The following STN1 variants were observed in gnomAD, a reference collection of about 807,000 sequenced individuals.
The protein encoded by STN1 is STN1 subunit of CST complex.
Under a neutral mutation model 45.5 loss-of-function variants are expected in STN1, and 29 were observed. The observed-to-expected ratio is 0.64, with a 90% confidence interval of 0.47 to 0.87. The LOEUF is 0.87. Among genes scored for constraint, STN1 ranks in the 40% least tolerant of loss-of-function variants. STN1 has a pLI of 0.00. For missense variants in STN1, 376 were observed against 441.4 expected (o/e 0.85, Z 1.33); for synonymous variants, 148 against 159.0 (o/e 0.93, Z 0.52).
intron 3 of STN1, among the ~76,000 whole-genome samples, chr10:103,906,305 C>G (rs995786020): frequency 3.3e-5 from 5 of 151,968 alleles, no homozygotes; most frequent in African/African-American, 1.2e-4. Context: ...GTCTAACCAC[C>G]TAAAAACTAA....
chr10:103,889,094 C>T lies in STN1; in HGVS notation c.927G>A (p.Gln309=), dbSNP rs758625435. ...DLHRKIHRII[Q]QDCQKPNHME... is the part of the protein sequence containing the mutation. ...TACGATTTGGTTTCTGGCAGTCCTG[C>T]TGAATGATCCGGTGGATCTTTCTGT... The change falls in exon 9 of 10, where the codon CAG becomes CAA. Residue 309 remains glutamine, a synonymous_variant. Transcript: ENST00000224950. 5 of 1,613,602 alleles carry T rather than the reference C, an allele frequency of 3.1e-6. 1 individual carries two copies. In the South Asian group the frequency reaches 5.5e-5, roughly 18 times the overall value.
chr10:103,917,848 G>T (rs182433867), intron 1 of STN1, among the ~76,000 whole-genome samples, 192 bp from the exon 2 acceptor site: 2 of 152,188 alleles, frequency 1.3e-5, no homozygotes, highest in South Asian at 4.1e-4. Context: ...CGTTCCTTAC[G>T]GCTCTCCCGC....
rs532775972 is a variant in STN1 at position 103,906,107 on chromosome 10, C to G, written c.230-951G>C. ...GCCTAAATCTATGCTGAAGAAAAAG[C>G]CAAAAAGAGTACTTCCTATACTAAA... On this transcript the variant is annotated intron_variant, in intron 3 of 9. Transcript: ENST00000224950. Among the ~76,000 whole-genome samples, 3 of 152,028 alleles carry G rather than the reference C, an allele frequency of 2.0e-5. No individual in the cohort carries two copies. In the East Asian group the frequency reaches 5.8e-4, roughly 29 times the overall value.
At chr10:103,913,149 T>C (rs1040001460) in intron 2 of STN1, among the ~76,000 whole-genome samples, 3 of 152,240 alleles carry the variant, frequency 2.0e-5, no homozygotes, top group African/African-American at 7.2e-5. Context: ...AAAGGTATTC[T>C]TCCTGGGTTG....
intron 4 of STN1, among the ~76,000 whole-genome samples, chr10:103,902,615 C>A (rs768210736): frequency 4.6e-5 from 7 of 152,208 alleles, no homozygotes; most frequent in Non-Finnish European, 1.0e-4. Flanking sequence ...CTTAACTTTG[C>A]TCATAAGCTA....
chr10:103,907,891 G>T (rs1442650845), intron 3 of STN1, among the ~76,000 whole-genome samples: 1 of 151,956 alleles, frequency 6.6e-6, no homozygotes, highest in East Asian at 1.9e-4. Flanking sequence ...CACTTTGGGA[G>T]GCCGAGGTGG....
Position 103,892,193 on chromosome 10 carries a change from T to A in STN1, c.813A>T (p.Ile271=). 6.2e-7 allele frequency: 1 copy of A among 1,611,870 alleles called. No homozygotes were observed. ...CAAGTCCTTTTTCCTGCAGCAGTTG[T>A]ATAGCATTCTTAAATATACTATGAA... is the stretch of plus-strand genomic sequence containing the variant. The part of the protein sequence containing the change: ...KAIHSIFKNA[I]QLLQEKGLVF... Residue 271 remains isoleucine (I), a synonymous_variant, in exon 8 of 10, where the codon ATA becomes ATT. Transcript: ENST00000224950.
At chr10:103,893,648 T>G in intron 7 of STN1, among the ~76,000 whole-genome samples, 1 of 152,180 alleles carries the variant, frequency 6.6e-6, no homozygotes, top group East Asian at 1.9e-4. Flanking sequence ...TGGCTGAGAT[T>G]TGCTAATGAC....
At chr10:103,914,805 T>C (rs1843318655) in intron 2 of STN1, among the ~76,000 whole-genome samples, 1 of 152,236 alleles carries the variant, frequency 6.6e-6, no homozygotes, top group African/African-American at 2.4e-5. Context: ...GCAATCATTT[T>C]GCAATGCAAT....
intron 8 of STN1, among the ~76,000 whole-genome samples, 153 bp downstream of exon 8, chr10:103,891,977 G>C (rs1003632710): frequency 2.6e-5 from 4 of 152,196 alleles, no homozygotes; most frequent in Non-Finnish European, 5.9e-5. Context: ...TATTAAAAGA[G>C]ATACCTCGGG....
At chr10:103,893,313 C>T (rs1012210565) in intron 7 of STN1, among the ~76,000 whole-genome samples, 1 of 151,990 alleles carries the variant, frequency 6.6e-6, no homozygotes, top group Non-Finnish European at 1.5e-5. Context: ...GGACTACAGG[C>T]GCCTGCCACC....
intron 7 of STN1, among the ~76,000 whole-genome samples, 178 bp downstream of exon 7, chr10:103,897,370 T>A (rs1018785560): frequency 2.6e-5 from 4 of 152,050 alleles, no homozygotes; most frequent in African/African-American, 9.7e-5. Context: ...TATGCCTCAT[T>A]TCAAGTTCTT....
chr10:103,904,804 T>C (rs990154550), intron 4 of STN1, among the ~76,000 whole-genome samples: 24 of 152,194 alleles, frequency 1.6e-4, no homozygotes, highest in African/African-American at 5.5e-4. Flanking sequence ...TATGTAATAA[T>C]GGGCATGGTA....
At position 103,894,282 on chromosome 10, in the gene STN1, G is replaced by C. The variant is rs529912383; in HGVS notation, c.754-2030C>G. 5.9e-5 allele frequency among the ~76,000 whole-genome samples: 9 copies of C among 152,192 alleles called. No homozygotes were observed. The South Asian group carries it at 1.9e-3, about 32-fold the overall frequency. ...TAAATTGGAAACTAACTAGAGATGA[G>C]TATTACATGATTATTCCTGTCTTTA... On this transcript the variant is annotated intron_variant, in intron 7 of 9. Transcript: ENST00000224950.
chr10:103,889,695 C>CTTTTTTTTTTTTTT (rs58738841), intron 8 of STN1, among the ~76,000 whole-genome samples: 1 of 122,098 alleles, frequency 8.2e-6, no homozygotes, highest in African/African-American at 3.4e-5. Context: ...TTTCTTTTTC[C>CTTTTTTTTTTTTTT]TTTTTTTTTT....
At chr10:103,914,362 A>T (rs1330002949) in intron 2 of STN1, among the ~76,000 whole-genome samples, 1,197 of 12,368 alleles carry the variant, frequency 0.097, 70 homozygotes, top group South Asian at 0.18. Context: ...ATATATATAT[A>T]TATATATATA....
rs1040817130 is a variant in STN1, at chr10:103,899,949, T to C, written c.457+113A>G. 13 of 824,788 alleles carry C rather than the reference T, an allele frequency of 1.6e-5. No homozygotes were observed. The Admixed American group carries it at 3.1e-4, about 19-fold the overall frequency. 51.1% of individuals were successfully genotyped at this position (824,788 alleles called of 1,614,324 possible). On this transcript the variant is annotated intron_variant, in intron 5 of 9. Coordinates refer to ENST00000224950, the MANE Select transcript of STN1 (RefSeq NM_024928.5). ...TAAACAATGTAATTCACTCATTAAA[T>C]AGAGTTATACCTTAACTGAACTTTT...
At chr10:103,909,448 A>ATG (rs1327195229) in intron 3 of STN1, among the ~76,000 whole-genome samples, 4 of 59,668 alleles carry the variant, frequency 6.7e-5, no homozygotes, top group East Asian at 5.9e-4. Flanking sequence ...ATATATGTAT[A>ATG]TATGTATATA....
At chr10:103,898,272 C>T (rs973626959) in intron 6 of STN1, 3 of 153,020 alleles carry the variant, frequency 2.0e-5, no homozygotes, top group Admixed American at 6.5e-5. Flanking sequence ...CGGTCCCCAC[C>T]CCCGAGGGAG....
Sources: allele counts gnomAD v4.1 joint callset (sites outside exome capture counted in the v4.1 genomes callset), GRCh38; gene constraint gnomAD v4.1.1; transcripts MANE v1.5; gene names NCBI Gene and HGNC (gene_info 2026-07-23, HGNC 2026-07-21).